Variants in ZNF710 observed in about 807,000 individuals in gnomAD.
The protein encoded by ZNF710 is zinc finger protein 710.
Under a neutral mutation model 50.6 loss-of-function variants are expected in ZNF710, and 13 were observed. That is an observed-to-expected ratio of 0.26 (90% CI 0.17 to 0.41). ZNF710 has a LOEUF of 0.41. Among genes scored for constraint, ZNF710 ranks in the 10% least tolerant of loss-of-function variants. The pLI is 1.00. For synonymous variants in ZNF710, 383 were observed against 397.0 expected, an observed-to-expected ratio of 0.96 and a Z score of 0.42; for missense variants, 721 against 936.6, an observed-to-expected ratio of 0.77 and a Z score of 3.01.
intron 1 of ZNF710, among the ~76,000 whole-genome samples, chr15:90,018,669 C>T (rs558995608): frequency 8.5e-5 from 13 of 152,302 alleles, no homozygotes; most frequent in African/African-American, 2.9e-4. Context: ...CCCTCACCTC[C>T]CCACTCAGCT....
intron 1 of ZNF710, among the ~76,000 whole-genome samples, chr15:90,022,116 G>T (rs895705374): frequency 1.3e-5 from 2 of 151,880 alleles, no homozygotes; most frequent in Non-Finnish European, 2.9e-5. Context: ...AGTGGCTCAC[G>T]CCTGTAATCC....
chr15:90,078,868 C>T (rs1048903803), intron 4 of ZNF710, among the ~76,000 whole-genome samples: 2 of 152,214 alleles, frequency 1.3e-5, no homozygotes, highest in Non-Finnish European at 2.9e-5. Flanking sequence ...AGCCACAGCC[C>T]CTGCCAGCCT....
At chr15:90,070,572 A>G (rs890912005) in intron 2 of ZNF710, among the ~76,000 whole-genome samples, 1 of 150,514 alleles carries the variant, frequency 6.6e-6, no homozygotes, top group East Asian at 2.0e-4. Flanking sequence ...GCTTGAACCC[A>G]GGAGGCAGAG....
At chr15:90,012,918 T>G (rs1898353718) in intron 1 of ZNF710, among the ~76,000 whole-genome samples, 2 of 152,236 alleles carry the variant, frequency 1.3e-5, no homozygotes, top group South Asian at 4.1e-4. Flanking sequence ...TTGTGTTTTT[T>G]AATTCCTCAC....
chr15:90,000,343 C>A (rs1186044538), upstream of ZNF710, among the ~76,000 whole-genome samples: 1 of 152,120 alleles, frequency 6.6e-6, no homozygotes, highest in Non-Finnish European at 1.5e-5. Flanking sequence ...AGGTTGGAGG[C>A]CTGGTGTCCG....
chr15:90,077,078 C>G (rs948738254), intron 4 of ZNF710, among the ~76,000 whole-genome samples: 1 of 152,080 alleles, frequency 6.6e-6, no homozygotes, highest in African/African-American at 2.4e-5. Context: ...CTAGACAGAA[C>G]GATCTAGTAA....
intron 1 of ZNF710, among the ~76,000 whole-genome samples, chr15:90,012,160 G>A (rs946110232): frequency 4.6e-5 from 7 of 151,680 alleles, no homozygotes; most frequent in African/African-American, 1.5e-4. Context: ...AGCTGAGATG[G>A]CGCTACTGCA....
intron 1 of ZNF710, among the ~76,000 whole-genome samples, chr15:90,044,355 G>A (rs1168838587): frequency 3.3e-5 from 5 of 152,220 alleles, no homozygotes; most frequent in Admixed American, 2.0e-4. Flanking sequence ...CCACTCTGGC[G>A]GAGCGTGGTG....
At chr15:90,007,992 C>T (rs186689783) in intron 1 of ZNF710, among the ~76,000 whole-genome samples, 3 of 152,010 alleles carry the variant, frequency 2.0e-5, no homozygotes, top group Admixed American at 6.6e-5. Context: ...AAACTGCTGC[C>T]GCACCAAAGG....
Position 90,081,584 on chromosome 15 carries a change from C to T in ZNF710, c.*1755C>T, listed in dbSNP as rs142760465. On this transcript the variant is annotated 3_prime_UTR_variant, in exon 5 of 5. Transcript: ENST00000268154. ...AGTATGGCTTCCAGACCCCGAAGCCCCACGACCTCCCAGGTGCCCGCCATG... is the reference window on the plus strand; with the variant it reads ...AGTATGGCTTCCAGACCCCGAAGCCTCACGACCTCCCAGGTGCCCGCCATG... 1.3e-5 allele frequency: 2 copies of T among 152,548 alleles called. No individual in the cohort carries two copies. Among genetic ancestry groups the T allele is most frequent in the South Asian group, 2.1e-4 (1 of 4,826 alleles). The allele number at this position is 152,548 out of a possible 1,614,324, so 9.4% of individuals were successfully genotyped here.
At chr15:90,008,426 GTA>G (rs145370535) in intron 1 of ZNF710, among the ~76,000 whole-genome samples, 63 of 124,216 alleles carry the variant, frequency 5.1e-4, no homozygotes, top group African/African-American at 1.5e-3. Context: ...GTGTGTGTGT[GTA>G]TATATATATA....
intron 1 of ZNF710, among the ~76,000 whole-genome samples, chr15:90,002,108 GCGC>G (rs1898028568): frequency 6.6e-6 from 1 of 151,216 alleles, no homozygotes; most frequent in African/African-American, 2.4e-5. Context: ...GGTGCTGGGT[GCGC>G]TCCCCCCACA....
chr15:90,021,011 C>CA (rs1288021457), intron 1 of ZNF710, among the ~76,000 whole-genome samples: 1 of 94,466 alleles, frequency 1.1e-5, no homozygotes, highest in Non-Finnish European at 2.7e-5. Flanking sequence ...GGTGTGGCAC[C>CA]CCCCCCCCCT....
intron 1 of ZNF710, among the ~76,000 whole-genome samples, chr15:90,015,592 A>G (rs552586939): frequency 9.3e-5 from 14 of 150,790 alleles, no homozygotes; most frequent in Non-Finnish European, 2.1e-4. Context: ...ATACAATGCA[A>G]TTCTTTTTTT....
chr15:90,070,979 A>G (rs549003160), intron 2 of ZNF710, among the ~76,000 whole-genome samples: 11 of 152,302 alleles, frequency 7.2e-5, no homozygotes, highest in Admixed American at 3.9e-4. Context: ...TCCCAAGTCC[A>G]GGGCCTGGCA....
chr15:90,081,389 C>T lies in ZNF710; in HGVS notation c.*1560C>T, dbSNP rs1003967895. 6.6e-6 allele frequency: 1 copy of T among 152,192 alleles called. No homozygotes were observed. The highest frequency in any genetic ancestry group is 1.5e-5 in the Non-Finnish European group (1 of 68,066). 9.4% of individuals were successfully genotyped at this position (152,192 alleles called of 1,614,324 possible). On this transcript the variant is annotated 3_prime_UTR_variant, in exon 5 of 5. Coordinates refer to ENST00000268154, the MANE Select transcript of ZNF710 (RefSeq NM_198526.4). Reference sequence around the variant, plus strand: ...GGCAAGCAGGGGTCTTCCCCAAAGGCACAGATGAAGCCACTAGCTTCAGCC... The same window carrying T: ...GGCAAGCAGGGGTCTTCCCCAAAGGTACAGATGAAGCCACTAGCTTCAGCC...
At position 90,080,450 on chromosome 15, in the gene ZNF710, A is replaced by G. The variant is rs1327104702; in HGVS notation, c.*621A>G. 1 of 152,844 alleles carries G rather than the reference A, an allele frequency of 6.5e-6. No individual in the cohort carries two copies. Among genetic ancestry groups the G allele is most frequent in the East Asian group, 1.9e-4 (1 of 5,186 alleles). The allele number at this position is 152,844 out of a possible 1,614,324, so 9.5% of individuals were successfully genotyped here. On this transcript the variant is annotated 3_prime_UTR_variant, in exon 5 of 5. Coordinates refer to ENST00000268154, the MANE Select transcript of ZNF710 (RefSeq NM_198526.4). ...GACAGCTGGGGGGCACCCAGCCCCC[A>G]GAAGACCCCTGTCCTACATCCCTTT... is the stretch of plus-strand genomic sequence containing the variant.
chr15:90,062,730 C>T lies in ZNF710; in HGVS notation c.-28-4380C>T, dbSNP rs1900048098. ...GGAGGGAGAACAGAGTGATACCGGGCCTCCCCACTCCTCATTTCCGTGTGC... is the reference window on the plus strand; with the variant it reads ...GGAGGGAGAACAGAGTGATACCGGGTCTCCCCACTCCTCATTTCCGTGTGC... On this transcript the variant is annotated intron_variant, in intron 1 of 4. Coordinates refer to ENST00000268154, the MANE Select transcript of ZNF710 (RefSeq NM_198526.4). This position sits in a 1 kb window ranked among gnomAD's most constrained non-coding sequence, Gnocchi z 5.6. Among the ~76,000 whole-genome samples the T allele has an allele frequency of 6.6e-6, 1 of 152,188 alleles. No homozygotes were observed. Among genetic ancestry groups the T allele is most frequent in the Non-Finnish European group, 1.5e-5 (1 of 68,018 alleles).
chr15:90,044,359 C>T (rs146779807), intron 1 of ZNF710, among the ~76,000 whole-genome samples: 476 of 152,334 alleles, frequency 3.1e-3, no homozygotes, highest in African/African-American at 0.011. Context: ...TCTGGCGGAG[C>T]GTGGTGTCGC....
Sources: allele counts gnomAD v4.1 joint callset (sites outside exome capture counted in the v4.1 genomes callset), GRCh38; gene constraint gnomAD v4.1.1; non-coding constraint Gnocchi (gnomAD v3.1); transcripts MANE v1.5; gene names NCBI Gene and HGNC (gene_info 2026-07-23, HGNC 2026-07-21).